Variants in SLC24A3 observed in about 807,000 individuals in gnomAD.
The protein encoded by SLC24A3 is sodium/potassium/calcium exchanger 3.
Under a neutral mutation model 75.8 loss-of-function variants are expected in SLC24A3, and 28 were observed. The ratio of observed to expected loss-of-function variants is 0.37; its 90% CI spans 0.27 to 0.51. The LOEUF (loss-of-function observed/expected upper bound fraction) is 0.51, where lower values mean the gene tolerates loss of function less well. SLC24A3 is among the 20% of genes least tolerant of loss of function. The pLI, the probability that SLC24A3 is intolerant of heterozygous loss-of-function variation, is 0.94. For synonymous variants in SLC24A3, 372 were observed against 334.1 expected (o/e 1.11, Z -1.24); for missense variants, 663 against 847.8 (o/e 0.78, Z 2.71).
intron 2 of SLC24A3, among the ~76,000 whole-genome samples, chr20:19,367,403 T>C (rs1223708594): frequency 6.6e-6 from 1 of 151,548 alleles, no homozygotes; most frequent in African/African-American, 2.4e-5. Context: ...TTCACTGAGG[T>C]GAAACAGAGC....
In SLC24A3 at chr20:19,212,788, C is replaced by T. The variant is rs955245750; in HGVS notation, c.-55C>T. 1 of 978,734 alleles carries T rather than the reference C, an allele frequency of 1.0e-6. No individual in the cohort carries two copies. Among genetic ancestry groups the T allele is most frequent in the Non-Finnish European group, 1.2e-6 (1 of 826,900 alleles). The allele number at this position is 978,734 out of a possible 1,614,324, so 60.6% of individuals were successfully genotyped here. A position where few individuals can be genotyped will look rare whatever the true frequency, so the allele number is the denominator to read the frequency against. ...CTCCTGCCGCTGTCCCCGCCGCGGC[C>T]GCCCGCGACAGGAGCGGCCGCCGCC... is the stretch of plus-strand genomic sequence containing the variant. On this transcript the variant is annotated 5_prime_UTR_variant, in exon 1 of 17. Coordinates refer to ENST00000328041, the MANE Select transcript of SLC24A3 (RefSeq NM_020689.4).
intron 2 of SLC24A3, among the ~76,000 whole-genome samples, chr20:19,377,230 G>A (rs1986099739): frequency 2.0e-5 from 3 of 152,136 alleles, no homozygotes; most frequent in African/African-American, 4.8e-5. Flanking sequence ...TTCCAATTTA[G>A]GCACTTAGGA....
chr20:19,226,474 C>T (rs1981873401), intron 1 of SLC24A3, among the ~76,000 whole-genome samples: 1 of 152,126 alleles, frequency 6.6e-6, no homozygotes, highest in African/African-American at 2.4e-5. Context: ...CTGGAAGAAA[C>T]TATGTACAAT....
intron 2 of SLC24A3, among the ~76,000 whole-genome samples, chr20:19,346,402 T>C (rs1354354661): frequency 6.9e-6 from 1 of 145,136 alleles, no homozygotes; most frequent in Non-Finnish European, 1.5e-5. Context: ...ATGGTGTATA[T>C]ATATGGTATA....
In SLC24A3 at chr20:19,644,462, C is replaced by T. The variant is rs973006818; in HGVS notation, c.613-9600C>T. Among the ~76,000 whole-genome samples the T allele has an allele frequency of 1.3e-4, 20 of 152,088 alleles. 1 individual carries two copies. Among genetic ancestry groups the T allele is most frequent in the African/African-American group, 4.3e-4 (18 of 41,402 alleles). On this transcript the variant is annotated intron_variant, in intron 6 of 16. Transcript: ENST00000328041. ...CCGGCGATGCTGATACCACTGTCCC[C>T]GTGTCTTTGGGGATAAACAGCAGGA... is the stretch of plus-strand genomic sequence containing the variant.
chr20:19,242,489 A>C (rs761659005), intron 1 of SLC24A3: 3 of 152,208 alleles, frequency 2.0e-5, no homozygotes, highest in Non-Finnish European at 4.4e-5. Context: ...CTGGGATTGC[A>C]TCTGATGTTT....
At chr20:19,454,062 C>A (rs1319781274) in intron 2 of SLC24A3, among the ~76,000 whole-genome samples, 1 of 152,160 alleles carries the variant, frequency 6.6e-6, no homozygotes. Context: ...AGAGATACTC[C>A]CATCTCAGAG....
intron 2 of SLC24A3, among the ~76,000 whole-genome samples, chr20:19,315,235 C>G (rs1394346059): frequency 6.6e-6 from 1 of 152,152 alleles, no homozygotes; most frequent in Non-Finnish European, 1.5e-5. Flanking sequence ...TCCCTCTTCT[C>G]CATCAAACTA....
intron 2 of SLC24A3, among the ~76,000 whole-genome samples, chr20:19,512,229 G>A (rs370403206): frequency 1.3e-5 from 2 of 152,352 alleles, no homozygotes; most frequent in East Asian, 3.9e-4. Context: ...TCACTGGTAA[G>A]CTGCCCACTC....
chr20:19,361,165 G>A (rs1037640967), intron 2 of SLC24A3, among the ~76,000 whole-genome samples: 7 of 152,208 alleles, frequency 4.6e-5, no homozygotes, highest in African/African-American at 1.7e-4. Context: ...TTCTTTTGCA[G>A]ATCAGCACTG....
At chr20:19,527,242 G>A (rs528399379) in intron 3 of SLC24A3, among the ~76,000 whole-genome samples, 12 of 152,298 alleles carry the variant, frequency 7.9e-5, no homozygotes, top group Non-Finnish European at 1.6e-4. Context: ...CCTGTAACAT[G>A]TCCTTCCCCT....
intron 2 of SLC24A3, among the ~76,000 whole-genome samples, chr20:19,416,754 C>T (rs1986834840): frequency 6.6e-6 from 1 of 152,186 alleles, no homozygotes; most frequent in Non-Finnish European, 1.5e-5. Flanking sequence ...CATTCCCTTG[C>T]TTGGTCATTT....
At chr20:19,409,909 T>A (rs954891424) in intron 2 of SLC24A3, among the ~76,000 whole-genome samples, 1 of 151,936 alleles carries the variant, frequency 6.6e-6, no homozygotes, top group African/African-American at 2.4e-5. Context: ...CAAAATGTTA[T>A]TAGTGGAAGT....
rs918367142 is a variant in SLC24A3 at position 19,390,261 on chromosome 20, G to A, written c.271+109174G>A. 4.6e-5 allele frequency among the ~76,000 whole-genome samples: 7 copies of A among 152,104 alleles called. 1 individual carries two copies. The East Asian group carries it at 5.8e-4, about 13-fold the overall frequency. On this transcript the variant is annotated intron_variant, in intron 2 of 16. Coordinates refer to ENST00000328041, the MANE Select transcript of SLC24A3 (RefSeq NM_020689.4). Reference sequence around the variant, plus strand: ...TGTTTTTCATTTCGTTTCTTTGTTGGTGTCATGTTTCCCTGATTATTTGTG... The same window carrying A: ...TGTTTTTCATTTCGTTTCTTTGTTGATGTCATGTTTCCCTGATTATTTGTG...
intron 2 of SLC24A3, among the ~76,000 whole-genome samples, chr20:19,425,467 G>A (rs1033587534): frequency 2.6e-5 from 4 of 152,146 alleles, no homozygotes; most frequent in Non-Finnish European, 2.9e-5. Context: ...TGAGGTTTGT[G>A]CAATTGTTCA....
At chr20:19,649,243 G>C (rs79746188) in intron 6 of SLC24A3, among the ~76,000 whole-genome samples, 1 of 152,172 alleles carries the variant, frequency 6.6e-6, no homozygotes. Flanking sequence ...CATGGTTTCC[G>C]GTCTTCATCT....
chr20:19,586,438 T>C (rs1364146144), intron 6 of SLC24A3, among the ~76,000 whole-genome samples: 1 of 152,140 alleles, frequency 6.6e-6, no homozygotes, highest in African/African-American at 2.4e-5. Flanking sequence ...CCTAACCACT[T>C]GATCAGCAGC....
At chr20:19,669,865 G>C (rs1276563871) in intron 8 of SLC24A3, among the ~76,000 whole-genome samples, 1 of 152,080 alleles carries the variant, frequency 6.6e-6, no homozygotes, top group Non-Finnish European at 1.5e-5. Flanking sequence ...TGAGAATCAG[G>C]GACCCGTTGA....
intron 7 of SLC24A3, among the ~76,000 whole-genome samples, chr20:19,654,462 A>C: frequency 6.7e-6 from 1 of 148,664 alleles, no homozygotes. Flanking sequence ...CCCCCTTCTC[A>C]CTCTGTATGC....
Sources: allele counts gnomAD v4.1 joint callset (sites outside exome capture counted in the v4.1 genomes callset), GRCh38; gene constraint gnomAD v4.1.1; transcripts MANE v1.5; gene names NCBI Gene and HGNC (gene_info 2026-07-23, HGNC 2026-07-21).